The following CHTF18 variants were observed in gnomAD, a reference collection of about 807,000 sequenced individuals.
CHTF18 encodes the protein chromosome transmission fidelity protein 18 homolog.
Under a neutral mutation model 113.4 loss-of-function variants are expected in CHTF18, and 151 were observed. That is an observed-to-expected ratio of 1.33 (90% confidence interval 1.17 to 1.52). The LOEUF (loss-of-function observed/expected upper bound fraction) is 1.52, where lower values mean the gene tolerates loss of function less well. Ranked by LOEUF, CHTF18 falls within the 40% of genes most tolerant of loss-of-function variation. The pLI is 0.00. For synonymous variants in CHTF18, 916 were observed against 598.8 expected, an observed-to-expected ratio of 1.53 and a Z score of -7.74; for missense variants, 1,982 against 1,381.6, an observed-to-expected ratio of 1.43 and a Z score of -6.89.
rs1330177000 is a variant in CHTF18, at chr16:795,183, G to C, written c.2002G>C (p.Ala668Pro). ...RLRLRDSSLG[A>P]VCVALDWLAF... is the part of the protein sequence containing the mutation. ...GCGGCTGCGAGACTCCAGCCTGGGTGCTGTGTGTGTGGCCCTCGACTGGCT... is the reference window on the plus strand; with the variant it reads ...GCGGCTGCGAGACTCCAGCCTGGGTCCTGTGTGTGTGGCCCTCGACTGGCT... The change falls in exon 16 of 22, where the codon GCT (alanine) becomes CCT (proline). Residue 668 changes from alanine to proline, a missense_variant. Physicochemically the swap from Ala to Pro is conservative, Grantham distance 27. Transcript: ENST00000262315. The C allele has an allele frequency of 6.4e-7, 1 of 1,558,798 alleles. No individual in the cohort carries two copies. Among genetic ancestry groups the C allele is most frequent in the Admixed American group, 1.9e-5 (1 of 52,862 alleles).
In CHTF18 at chr16:788,925, C is replaced by T. The variant is rs2042074827; in HGVS notation, c.92-6C>T. On this transcript the variant is annotated splice_polypyrimidine_tract_variant and splice_region_variant and intron_variant, in intron 1 of 21. Transcript: ENST00000262315. ...GGCGGCCGCTGACAATCTCCTCTCC[C>T]AGCAGGGGCGTCGACTCCGTCGCCC... is the stretch of plus-strand genomic sequence containing the variant. 3 of 1,542,314 alleles carry T rather than the reference C, an allele frequency of 1.9e-6. No individual in the cohort carries two copies. The highest frequency in any genetic ancestry group is 2.4e-5 in the South Asian group (2 of 84,176).
At chr16:794,030 C>G (rs367798268) in intron 14 of CHTF18, 24 bp from the exon 15 acceptor site, 1 of 1,602,564 alleles carries the variant, frequency 6.2e-7, no homozygotes, top group Non-Finnish European at 8.5e-7. Context: ...ACGGGTCCAT[C>G]TAGCTTCAGC....
At chr16:790,054 C>T in intron 4 of CHTF18, 123 bp from the exon 5 acceptor site, 2 of 1,536,640 alleles carry the variant, frequency 1.3e-6, no homozygotes, top group Non-Finnish European at 8.7e-7. Context: ...TGTCCAGTCT[C>T]CCACCCCTCA....
At chr16:790,979 G>C (rs1029578330) in intron 7 of CHTF18, 182 bp from the exon 8 acceptor site, 5 of 1,447,838 alleles carry the variant, frequency 3.5e-6, no homozygotes, top group Non-Finnish European at 4.5e-6. Flanking sequence ...GTTGTGGCCA[G>C]AGCCGTGGGG....
chr16:794,305 G>T, intron 15 of CHTF18, 104 bp downstream of exon 15: 1 of 1,368,074 alleles, frequency 7.3e-7, no homozygotes, highest in East Asian at 2.4e-5. Context: ...AGGCGCTTTG[G>T]GGGTGCTGAG....
chr16:790,244 C>A lies in CHTF18; in HGVS notation c.674C>A (p.Ser225Tyr), dbSNP rs554395065. The part of the protein sequence containing the change: ...QLDLLGVSLA[S>Y]LKKQVDGERR... ...GACCTGCTGGGTGTGTCCTTAGCCT[C>A]CCTGAAGAAGCAGGTCGACGGCGAG... The change falls in exon 5 of 22, where the codon TCC (serine) becomes TAC (tyrosine). Residue 225 changes from serine (S) to tyrosine (Y), a missense_variant. Ser to Tyr is a moderately radical substitution (Grantham distance 144). Transcript: ENST00000262315. 41 of 1,606,998 alleles carry A rather than the reference C, an allele frequency of 2.6e-5. No individual in the cohort carries two copies. The African/African-American group carries it at 4.0e-4, about 16-fold the overall frequency.
At position 797,825 on chromosome 16, in the gene CHTF18, C is replaced by T. The variant is rs958912806; in HGVS notation, c.2792-14C>T. 1 of 1,597,044 alleles carries T rather than the reference C, an allele frequency of 6.3e-7. No homozygotes were observed. The highest frequency in any genetic ancestry group is 1.7e-5 in the Admixed American group (1 of 57,886). ...GGGGCCTTACAGCTGAGGAGCAACCCTGTGGCCCCGCAGGGGACACGGCCC... is the reference window on the plus strand; with the variant it reads ...GGGGCCTTACAGCTGAGGAGCAACCTTGTGGCCCCGCAGGGGACACGGCCC... On this transcript the variant is annotated splice_polypyrimidine_tract_variant and intron_variant, in intron 21 of 21. Transcript: ENST00000262315.
In CHTF18 at chr16:788,757, G is replaced by A; in HGVS notation, c.73G>A (p.Val25Met). Residue 25 changes from valine (V) to methionine (M), a missense_variant, in exon 1 of 22, where the codon GTG (valine) becomes ATG (methionine). Physicochemically the swap from Val to Met is conservative, Grantham distance 21 (BLOSUM62 1). Coordinates refer to ENST00000262315, the MANE Select transcript of CHTF18 (RefSeq NM_022092.3). ...FHNQFAAELE[V>M]LAELEGASTP... ...CAACCAGTTCGCGGCCGAGCTGGAG[G>A]TGCTGGCAGAGCTGGAAGGTGGGGC... The A allele has an allele frequency of 1.9e-6, 3 of 1,599,954 alleles. No homozygotes were observed. The highest frequency in any genetic ancestry group is 2.6e-6 in the Non-Finnish European group (3 of 1,174,452).
In CHTF18 at chr16:796,872, C is replaced by A. The variant is rs759969101; in HGVS notation, c.2601+11C>A. 6.3e-7 allele frequency: 1 copy of A among 1,584,466 alleles called. No individual in the cohort carries two copies. Among genetic ancestry groups the A allele is most frequent in the South Asian group, 1.1e-5 (1 of 87,280 alleles). ...GAGAACAGCCCCCAGGTGAGCCCAC[C>A]CAGGCTCTGGAGCAGGTTGCAGTCT... On this transcript the variant is annotated intron_variant, in intron 19 of 21. Coordinates refer to ENST00000262315, the MANE Select transcript of CHTF18 (RefSeq NM_022092.3).
At chr16:793,876 G>C in intron 14 of CHTF18, 178 bp from the exon 15 acceptor site, 1 of 679,852 alleles carries the variant, frequency 1.5e-6, no homozygotes. Context: ...AATGTTTCAG[G>C]GGGTTGAGGT....
In CHTF18 at chr16:791,355, G is replaced by A; in HGVS notation, c.1089G>A (p.Gln363=). The change falls in exon 8 of 22, where the codon CAG becomes CAA. Residue 363 remains glutamine, a synonymous_variant. Coordinates refer to ENST00000262315, the MANE Select transcript of CHTF18 (RefSeq NM_022092.3). ...EMLEAGLDPS[Q]RPKQKVALLC... ...TGGAGGCTGGGCTGGACCCGAGCCA[G>A]CGACCGAAGCAGAAGGTGAGCCCCG... 1 of 1,603,916 alleles carries A rather than the reference G, an allele frequency of 6.2e-7. No homozygotes were observed. Among genetic ancestry groups the A allele is most frequent in the Non-Finnish European group, 8.5e-7 (1 of 1,177,796 alleles).
At chr16:793,442 C>G (rs1040977899) in intron 14 of CHTF18, among the ~76,000 whole-genome samples, 168 bp downstream of exon 14, 1 of 152,112 alleles carries the variant, frequency 6.6e-6, no homozygotes, top group African/African-American at 2.4e-5. Context: ...CTGGCTTGTT[C>G]TCGCCCCTAC....
At chr16:789,836 A>C in intron 4 of CHTF18, 121 bp downstream of exon 4, 2 of 1,352,560 alleles carry the variant, frequency 1.5e-6, no homozygotes, top group Non-Finnish European at 2.0e-6. Flanking sequence ...CCAGGGGTGC[A>C]GAGGGGGAGG....
At chr16:790,056 C>A (rs2042141775) in intron 4 of CHTF18, 121 bp from the exon 5 acceptor site, 10 of 1,536,690 alleles carry the variant, frequency 6.5e-6, no homozygotes, top group Non-Finnish European at 7.8e-6. Context: ...TCCAGTCTCC[C>A]ACCCCTCACT....
chr16:793,370 G>A, intron 14 of CHTF18, 96 bp downstream of exon 14: 17 of 1,465,078 alleles, frequency 1.2e-5, no homozygotes, highest in Non-Finnish European at 1.5e-5. Flanking sequence ...TCGAGGCGGG[G>A]ACTCAGTGTC....
chr16:798,007 C>T lies in CHTF18; in HGVS notation c.*32C>T, dbSNP rs759529352. 6.9e-6 allele frequency: 11 copies of T among 1,594,738 alleles called. No homozygotes were observed. The highest frequency in any genetic ancestry group is 2.2e-5 in the South Asian group (2 of 89,342). ...GAGCCGCGGACATGCCCTCGCATTG[C>T]TTCCCGCAGAGTGCAGAGACAGGAA... is the stretch of plus-strand genomic sequence containing the variant. On this transcript the variant is annotated 3_prime_UTR_variant, in exon 22 of 22. Transcript: ENST00000262315.
At position 796,962 on chromosome 16, in the gene CHTF18, T is replaced by G. The variant is rs1334094471; in HGVS notation, c.2603T>G (p.Val868Gly). ...ASARVENSPQ[V>G]DGSPPGLEGL... ...TCTCACAATGCCTGCTCCCTACAGG[T>G]GGATGGGAGCCCCCCAGGGCTCGAG... Residue 868 changes from valine (V) to glycine (G), a missense_variant and splice_region_variant, in exon 20 of 22, where the codon GTG (valine) becomes GGG (glycine). By Grantham distance (109) the Val-to-Gly change is moderately radical (BLOSUM62 -3). Transcript: ENST00000262315. 4.6e-6 allele frequency: 7 copies of G among 1,524,854 alleles called. No individual in the cohort carries two copies. The highest frequency in any genetic ancestry group is 6.2e-6 in the Non-Finnish European group (7 of 1,133,610). 94.5% of individuals were successfully genotyped at this position (1,524,854 alleles called of 1,614,324 possible).
chr16:791,753 G>C, intron 8 of CHTF18, 98 bp from the exon 9 acceptor site: 1 of 1,485,004 alleles, frequency 6.7e-7, no homozygotes, highest in East Asian at 2.5e-5. Context: ...TGGAGGGAGC[G>C]CCCAGCCTGT....
rs1187575922 is a variant in CHTF18, at chr16:797,675, T to C, written c.2734-19T>C. 10 of 1,611,370 alleles carry C rather than the reference T, an allele frequency of 6.2e-6. No homozygotes were observed. The East Asian group carries it at 1.8e-4, about 29-fold the overall frequency. ...GGGGCATCTGTCCTATACGACTGAC[T>C]AGTCCTTCCTCCCATCAGCCTGAGA... On this transcript the variant is annotated intron_variant, in intron 20 of 21. Transcript: ENST00000262315.
Sources: allele counts gnomAD v4.1 joint callset (sites outside exome capture counted in the v4.1 genomes callset), GRCh38; gene constraint gnomAD v4.1.1; transcripts MANE v1.5; gene names NCBI Gene and HGNC (gene_info 2026-07-23, HGNC 2026-07-21).